STARD9: variants seen among roughly 807,000 people sequenced by gnomAD.
STARD9 encodes StAR related lipid transfer domain containing 9.
In STARD9, 346 loss-of-function variants were observed where a neutral mutation model predicts 399.8. The observed-to-expected ratio is 0.87, with a 90% confidence interval of 0.79 to 0.95. The LOEUF is 0.95. Among genes scored for constraint, STARD9 ranks in the 40% least tolerant of loss-of-function variants. STARD9 has a pLI of 0.00. For missense variants in STARD9, 5,832 were observed against 5,667.5 expected (o/e 1.03, Z -0.93); for synonymous variants, 2,203 against 2,143.5 (o/e 1.03, Z -0.77).
chr15:42,649,562 CTT>C (rs754040468), intron 7 of STARD9, among the ~76,000 whole-genome samples: 6 of 143,700 alleles, frequency 4.2e-5, no homozygotes, highest in Admixed American at 1.4e-4. Flanking sequence ...AGCAGAGTTA[CTT>C]TTTTTTTTTT....
At chr15:42,590,808 G>C (rs555332268) in intron 3 of STARD9, among the ~76,000 whole-genome samples, 2 of 152,162 alleles carry the variant, frequency 1.3e-5, no homozygotes, top group African/African-American at 2.4e-5. Flanking sequence ...TAAACAGTCA[G>C]CTCCAGTGTG....
At chr15:42,681,107 T>C (rs567987273) in intron 20 of STARD9, among the ~76,000 whole-genome samples, 14 of 152,228 alleles carry the variant, frequency 9.2e-5, no homozygotes, top group Non-Finnish European at 2.1e-4. Context: ...CTTCTGAATT[T>C]AGCTAAAATG....
In STARD9 at chr15:42,684,873, G is replaced by T. The variant is rs2060512615; in HGVS notation, c.3295G>T (p.Asp1099Tyr). The change falls in exon 23 of 33, where the codon GAT (aspartate) becomes TAT (tyrosine). Residue 1099 changes from aspartate (D) to tyrosine (Y), a missense_variant. Asp to Tyr is a radical substitution (Grantham distance 160, BLOSUM62 -3). Transcript: ENST00000290607. ...GGATCATTCAAGAGAAAAAGACAATGATTTATCTGACACAGATAGCAACTA... is the reference window on the plus strand; with the variant it reads ...GGATCATTCAAGAGAAAAAGACAATTATTTATCTGACACAGATAGCAACTA... The part of the protein sequence containing the change: ...VMDHSREKDN[D>Y]LSDTDSNYSL... 5 of 1,537,092 alleles carry T rather than the reference G, an allele frequency of 3.3e-6. No individual in the cohort carries two copies. The East Asian group carries it at 9.8e-5, about 30-fold the overall frequency.
chr15:42,650,949 C>A (rs1484069490), intron 7 of STARD9, 67 bp from the exon 8 acceptor site: 29 of 1,163,908 alleles, frequency 2.5e-5, no homozygotes, highest in Non-Finnish European at 3.2e-5. Flanking sequence ...TAAAGACTTA[C>A]AAGAAAAGGT....
At chr15:42,712,114 A>ATATATAATATATTATG in intron 26 of STARD9, among the ~76,000 whole-genome samples, 1 of 54,358 alleles carries the variant, frequency 1.8e-5, no homozygotes, top group African/African-American at 1.7e-4. Context: ...AATATATAAT[A>ATATATAATATATTATG]TATAATATAT....
At chr15:42,654,868 A>C (rs374818330) in intron 9 of STARD9, among the ~76,000 whole-genome samples, 1 of 152,218 alleles carries the variant, frequency 6.6e-6, no homozygotes. Flanking sequence ...GCAGTCTACA[A>C]ATTCAATGCA....
intron 12 of STARD9, 89 bp from the exon 13 acceptor site, chr15:42,663,731 A>C (rs2060034259): frequency 2.9e-6 from 3 of 1,039,560 alleles, no homozygotes; most frequent in Non-Finnish European, 4.3e-6. Context: ...CAGGGGTCTT[A>C]TACAGCATGG....
At chr15:42,647,725 T>C (rs1380693036) in intron 7 of STARD9, among the ~76,000 whole-genome samples, 1 of 152,260 alleles carries the variant, frequency 6.6e-6, no homozygotes, top group East Asian at 1.9e-4. Flanking sequence ...TCTGCTTGTA[T>C]TTAATGTAAT....
At position 42,695,815 on chromosome 15, in the gene STARD9, G is replaced by GGCATGAC; in HGVS notation, c.13220_13226dup (p.Ser4410HisfsTer6). Reference sequence around the variant, plus strand: ...CAGCTCTAATGGAAGCCTCTCGTCTGGCATGACCTCTGGCTATAATAGCAG... The same window carrying GGCATGAC: ...CAGCTCTAATGGAAGCCTCTCGTCTGGCATGACGCATGACCTCTGGCTATAATAGCAG... On this transcript the variant is annotated frameshift_variant, in exon 26 of 33. Coordinates refer to ENST00000290607, the MANE Select transcript of STARD9 (RefSeq NM_020759.3). LOFTEE classifies it high-confidence loss of function. 1 of 1,537,248 alleles carries GGCATGAC rather than the reference G, an allele frequency of 6.5e-7. No individual in the cohort carries two copies. Among genetic ancestry groups the GGCATGAC allele is most frequent in the Non-Finnish European group, 8.7e-7 (1 of 1,146,896 alleles).
intron 3 of STARD9, among the ~76,000 whole-genome samples, chr15:42,589,567 T>C (rs959176960): frequency 1.3e-5 from 2 of 152,120 alleles, no homozygotes; most frequent in African/African-American, 4.8e-5. Context: ...GTTGTTTGAA[T>C]CTGGCTTCTT....
chr15:42,579,166 C>A (rs2058117919), intron 1 of STARD9, among the ~76,000 whole-genome samples: 1 of 152,122 alleles, frequency 6.6e-6, no homozygotes. Flanking sequence ...AGGGTGAATG[C>A]AAAAGCTAAA....
At chr15:42,696,672 T>A (rs1053759260) in intron 26 of STARD9, among the ~76,000 whole-genome samples, 4 of 152,086 alleles carry the variant, frequency 2.6e-5, no homozygotes, top group Non-Finnish European at 5.9e-5. Flanking sequence ...AGAGAGATGA[T>A]TGCTTGCTTC....
intron 13 of STARD9, among the ~76,000 whole-genome samples, 200 bp downstream of exon 13, chr15:42,664,117 T>C (rs1362349902): frequency 7.9e-5 from 12 of 152,232 alleles, no homozygotes; most frequent in Non-Finnish European, 7.3e-5. Flanking sequence ...TAACCTTTTA[T>C]GAATGACTTA....
At position 42,652,750 on chromosome 15, in the gene STARD9, A is replaced by C. The variant is rs780449628; in HGVS notation, c.702+158A>C. Among the ~76,000 whole-genome samples the C allele has an allele frequency of 1.9e-4, 29 of 152,122 alleles. 1 individual carries two copies. Among genetic ancestry groups the C allele is most frequent in the Non-Finnish European group, 3.8e-4 (26 of 67,996 alleles). ...GAGTGCAGTGGCGCGATCTCGGCTC[A>C]CCTGAACCTCTGCCTCCCAGGCTCA... On this transcript the variant is annotated intron_variant, in intron 9 of 32. Coordinates refer to ENST00000290607, the MANE Select transcript of STARD9 (RefSeq NM_020759.3).
chr15:42,608,417 A>G (rs1458253725), intron 3 of STARD9, among the ~76,000 whole-genome samples: 4 of 152,152 alleles, frequency 2.6e-5, no homozygotes, highest in African/African-American at 9.7e-5. Flanking sequence ...GCTGAACCCA[A>G]CAATGAAACC....
intron 3 of STARD9, among the ~76,000 whole-genome samples, chr15:42,629,399 T>C (rs970627697): frequency 6.6e-6 from 1 of 152,190 alleles, no homozygotes; most frequent in African/African-American, 2.4e-5. Context: ...TAAATGGGAT[T>C]GCATTCTTGA....
chr15:42,676,970 G>T (rs950129457), intron 20 of STARD9, among the ~76,000 whole-genome samples: 1 of 151,822 alleles, frequency 6.6e-6, no homozygotes, highest in African/African-American at 2.4e-5. Flanking sequence ...GCTCTGATCA[G>T]GGCTGGGCAC....
chr15:42,647,405 T>G (rs2059666313), intron 7 of STARD9, among the ~76,000 whole-genome samples: 1 of 152,168 alleles, frequency 6.6e-6, no homozygotes, highest in South Asian at 2.1e-4. Context: ...GTTTTATATA[T>G]TTTGAGGCTT....
chr15:42,691,667 C>T lies in STARD9; in HGVS notation c.10089C>T (p.Leu3363=), dbSNP rs2140283387. The change falls in exon 23 of 33, where the codon CTC becomes CTT. Residue 3363 remains leucine, a synonymous_variant. Transcript: ENST00000290607. ...CTAACAGATTGTGGAACCCACATCT[C>T]AGGGGCTATTCCTCAGGAAAGTCAG... ...QGPNRLWNPH[L]RGYSSGKSVA... 2 of 1,537,292 alleles carry T rather than the reference C, an allele frequency of 1.3e-6. No individual in the cohort carries two copies. The highest frequency in any genetic ancestry group is 2.4e-5 in the South Asian group (2 of 84,066).
Sources: gnomAD v4.1 joint callset for allele counts (sites outside exome capture counted in the v4.1 genomes callset) on GRCh38, gnomAD v4.1.1 for gene constraint, MANE v1.5 for transcripts, NCBI Gene and HGNC (gene_info 2026-07-23, HGNC 2026-07-21) for gene names.